Variants in RANBP3 observed in about 807,000 individuals in gnomAD.
RANBP3 encodes the protein ran-binding protein 3.
RANBP3 carries 14 observed loss-of-function variants against 77.3 expected under a neutral mutation model. The observed-to-expected ratio is 0.18, with a 90% CI of 0.12 to 0.28. The LOEUF (loss-of-function observed/expected upper bound fraction) is 0.28, where lower values mean the gene tolerates loss of function less well. Ranked by LOEUF, RANBP3 falls within the 10% of genes least tolerant of loss-of-function variation. The pLI is 1.00. For missense variants in RANBP3, 586 were observed against 752.3 expected, an observed-to-expected ratio of 0.78 and a Z score of 2.59; for synonymous variants, 315 against 312.4, an observed-to-expected ratio of 1.01 and a Z score of -0.09.
intron 1 of RANBP3, among the ~76,000 whole-genome samples, chr19:5,964,203 C>T (rs4807828): frequency 0.35 from 53,882 of 152,102 alleles, 11,798 homozygotes; most frequent in East Asian, 0.65. Flanking sequence ...CAGCGATGAG[C>T]ACAGACAGGC....
intron 13 of RANBP3, among the ~76,000 whole-genome samples, chr19:5,922,149 G>C (rs2057829105): frequency 7.9e-6 from 1 of 127,234 alleles, no homozygotes; most frequent in African/African-American, 2.6e-5. Context: ...AAAGTTGTCT[G>C]ACTCTGTGAA....
chr19:5,965,138 G>A (rs2058451775), intron 1 of RANBP3, among the ~76,000 whole-genome samples: 1 of 152,134 alleles, frequency 6.6e-6, no homozygotes, highest in South Asian at 2.1e-4. Flanking sequence ...TGAGGAGGTG[G>A]GGGGCTTGAG....
chr19:5,975,915 G>C (rs761842368), intron 1 of RANBP3, among the ~76,000 whole-genome samples: 2 of 151,976 alleles, frequency 1.3e-5, no homozygotes, highest in East Asian at 1.9e-4. Flanking sequence ...AGTTAGCACA[G>C]AGCAAGGCAG....
At chr19:5,946,432 A>G (rs2082725592) in intron 3 of RANBP3, among the ~76,000 whole-genome samples, 1 of 152,084 alleles carries the variant, frequency 6.6e-6, no homozygotes, top group Non-Finnish European at 1.5e-5. Flanking sequence ...TGCCCCAAAT[A>G]TCTTCTAAGA....
chr19:5,933,620 A>G (rs971272791), intron 5 of RANBP3, 141 bp from the exon 6 acceptor site: 1 of 602,282 alleles, frequency 1.7e-6, no homozygotes, highest in Admixed American at 3.2e-5. Flanking sequence ...CCAAATTACA[A>G]CAGAAGTCTC....
rs115386689 is a variant in RANBP3, at chr19:5,974,846, A to G, written c.22+3215T>C. Among the ~76,000 whole-genome samples the G allele has an allele frequency of 1.5e-4, 23 of 152,240 alleles. 1 individual carries two copies. Among genetic ancestry groups the G allele is most frequent in the African/African-American group, 4.1e-4 (17 of 41,536 alleles). ...GCGACTGAGCATCTGCGGTTTCAGG[A>G]AAGTTCCCCAGGGGGTACTGATGCC... On this transcript the variant is annotated intron_variant, in intron 1 of 16. Coordinates refer to ENST00000340578, the MANE Select transcript of RANBP3 (RefSeq NM_007322.3).
rs1298258699 is a variant in RANBP3 at position 5,933,464 on chromosome 19, C to A, written c.422G>T (p.Gly141Val). The A allele has an allele frequency of 4.3e-6, 7 of 1,613,248 alleles. No individual in the cohort carries two copies. The highest frequency in any genetic ancestry group is 5.9e-6 in the Non-Finnish European group (7 of 1,179,820). ...CAGCGTTGGTGGCTTCAACCGGAAG[C>A]CACTGCTCCTTTCCTCTAAAAGCAC... ...PPSQSEERSS[G>V]FRLKPPTLIH... Residue 141 changes from glycine (G) to valine (V), a missense_variant, in exon 6 of 17, where the codon GGC becomes GTC. Coordinates refer to ENST00000340578, the MANE Select transcript of RANBP3 (RefSeq NM_007322.3).
At chr19:5,940,302 G>A (rs2058119142) in intron 5 of RANBP3, among the ~76,000 whole-genome samples, 1 of 152,140 alleles carries the variant, frequency 6.6e-6, no homozygotes, top group Admixed American at 6.5e-5. Flanking sequence ...GTTCAGCAGT[G>A]GGCAGTGAGG....
chr19:5,944,252 G>C (rs1266802146), intron 3 of RANBP3, among the ~76,000 whole-genome samples: 1 of 152,228 alleles, frequency 6.6e-6, no homozygotes, highest in African/African-American at 2.4e-5. Context: ...CAGGGGTGTG[G>C]AGTGAGTCCT....
At chr19:5,973,245 C>T (rs539194768) in intron 1 of RANBP3, among the ~76,000 whole-genome samples, 2 of 152,320 alleles carry the variant, frequency 1.3e-5, no homozygotes, top group Non-Finnish European at 2.9e-5. Flanking sequence ...TGCATCTCAC[C>T]CTCTCAGGGG....
chr19:5,968,468 C>T (rs2058493950), intron 1 of RANBP3, among the ~76,000 whole-genome samples: 1 of 152,212 alleles, frequency 6.6e-6, no homozygotes, highest in South Asian at 2.1e-4. Context: ...AAGTGGTTGG[C>T]ACACAGGATG....
Position 5,916,953 on chromosome 19 carries a change from T to C in RANBP3, c.*657A>G, listed in dbSNP as rs2057745990. On this transcript the variant is annotated 3_prime_UTR_variant, in exon 17 of 17. Coordinates refer to ENST00000340578, the MANE Select transcript of RANBP3 (RefSeq NM_007322.3). ...GGGGACAGGGACCTCGACAGAGCTG[T>C]GCCTGCTCAACGCTCGAGAGCATCT... The C allele has an allele frequency of 6.5e-6, 1 of 152,788 alleles. No homozygotes were observed. Among genetic ancestry groups the C allele is most frequent in the African/African-American group, 2.4e-5 (1 of 41,440 alleles). The allele number at this position is 152,788 out of a possible 1,614,324, so 9.5% of individuals were successfully genotyped here. A position where few individuals can be genotyped will look rare whatever the true frequency, so the allele number is the denominator to read the frequency against.
chr19:5,931,569 T>G, intron 7 of RANBP3, 38 bp from the exon 8 acceptor site: 1 of 1,579,398 alleles, frequency 6.3e-7, no homozygotes, highest in Middle Eastern at 1.8e-4. Context: ...CACAGGTGCT[T>G]GGCGGCCCTC....
intron 15 of RANBP3, among the ~76,000 whole-genome samples, chr19:5,918,212 C>T (rs1478848558): frequency 2.0e-5 from 3 of 152,218 alleles, no homozygotes; most frequent in Admixed American, 2.0e-4. Flanking sequence ...GACACCATGA[C>T]ATAGGAGAGA....
chr19:5,946,952 A>G (rs2058212862), intron 3 of RANBP3, among the ~76,000 whole-genome samples: 1 of 152,186 alleles, frequency 6.6e-6, no homozygotes. Flanking sequence ...GTTGGTCCCG[A>G]ACAATGCCTG....
At chr19:5,941,561 G>T in intron 5 of RANBP3, 60 bp downstream of exon 5, 1 of 1,413,956 alleles carries the variant, frequency 7.1e-7, no homozygotes, top group Non-Finnish European at 9.9e-7. Flanking sequence ...CGGCACTGAG[G>T]GGAATGGCGG....
rs2057736170 is a variant in RANBP3 at position 5,916,275 on chromosome 19, G to C, written c.*1335C>G. 6.6e-6 allele frequency: 1 copy of C among 152,280 alleles called. No individual in the cohort carries two copies. The highest frequency in any genetic ancestry group is 2.1e-4 in the South Asian group (1 of 4,832). The allele number at this position is 152,280 out of a possible 1,614,324, so 9.4% of individuals were successfully genotyped here. Reference sequence around the variant, plus strand: ...GGCTTAAAGCAGAGACGTGTGACTGGGTCTCTCGGGAGGGCCTCTGGTTCT... The same window carrying C: ...GGCTTAAAGCAGAGACGTGTGACTGCGTCTCTCGGGAGGGCCTCTGGTTCT... On this transcript the variant is annotated 3_prime_UTR_variant, in exon 17 of 17. Coordinates refer to ENST00000340578, the MANE Select transcript of RANBP3 (RefSeq NM_007322.3).
chr19:5,937,613 C>G (rs543871184), intron 5 of RANBP3, among the ~76,000 whole-genome samples: 4 of 152,284 alleles, frequency 2.6e-5, no homozygotes, highest in Admixed American at 6.5e-5. Flanking sequence ...AGTGTTAAAG[C>G]TTTTCAAAAT....
intron 3 of RANBP3, among the ~76,000 whole-genome samples, chr19:5,949,022 G>T (rs1426584758): frequency 6.6e-6 from 1 of 152,206 alleles, no homozygotes; most frequent in Non-Finnish European, 1.5e-5. Flanking sequence ...GGGTTCTGAC[G>T]AGACTAAAAG....
Sources: allele counts gnomAD v4.1 joint callset (sites outside exome capture counted in the v4.1 genomes callset), GRCh38; gene constraint gnomAD v4.1.1; transcripts MANE v1.5; gene names NCBI Gene and HGNC (gene_info 2026-07-23, HGNC 2026-07-21).